Variants in BICDL1 observed in about 807,000 individuals in gnomAD.
BICDL1 encodes BICD family like cargo adaptor 1, also known as BICD family-like cargo adapter 1.
In BICDL1, 20 loss-of-function variants were observed where a neutral mutation model predicts 76.8. The ratio of observed to expected loss-of-function variants is 0.26; its 90% CI spans 0.18 to 0.38. The LOEUF (loss-of-function observed/expected upper bound fraction) is 0.38, where lower values mean the gene tolerates loss of function less well. Among genes scored for constraint, BICDL1 ranks in the 10% least tolerant of loss-of-function variants. The pLI, the probability that BICDL1 is intolerant of heterozygous loss-of-function variation, is 1.00. For synonymous variants in BICDL1, 383 were observed against 337.1 expected (o/e 1.14, Z -1.49); for missense variants, 700 against 798.6 (o/e 0.88, Z 1.49).
In BICDL1 at chr12:120,080,809, C is replaced by T. The variant is rs887547547; in HGVS notation, c.1453-78C>T. The T allele has an allele frequency of 2.8e-5, 43 of 1,548,596 alleles. No homozygotes were observed. In the Middle Eastern group the frequency reaches 1.3e-3, roughly 47 times the overall value. Reference sequence around the variant, plus strand: ...CATGTACCCTGGTCCTGCCTGGGGTCTCTTTGTTCCTTTTTCCCTCTTGGA... The same window carrying T: ...CATGTACCCTGGTCCTGCCTGGGGTTTCTTTGTTCCTTTTTCCCTCTTGGA... On this transcript the variant is annotated intron_variant, in intron 7 of 9. Transcript: ENST00000548673.
chr12:120,022,001 A>G (rs771492924), intron 2 of BICDL1, among the ~76,000 whole-genome samples: 1 of 150,872 alleles, frequency 6.6e-6, no homozygotes, highest in Non-Finnish European at 1.5e-5. Context: ...GTAAAGTAAA[A>G]TAAAATAATG....
chr12:120,041,766 A>AT (rs753996950), intron 2 of BICDL1, among the ~76,000 whole-genome samples: 1 of 152,118 alleles, frequency 6.6e-6, no homozygotes. Context: ...ATATGCACAG[A>AT]TTTTGAAATA....
intron 2 of BICDL1, among the ~76,000 whole-genome samples, chr12:120,021,433 A>C (rs1240080484): frequency 6.7e-6 from 1 of 149,590 alleles, no homozygotes; most frequent in Non-Finnish European, 1.5e-5. Context: ...CTAAAAATAC[A>C]AAAATTAGCC....
chr12:120,037,854 T>C (rs1952556299), intron 2 of BICDL1, among the ~76,000 whole-genome samples: 1 of 152,224 alleles, frequency 6.6e-6, no homozygotes, highest in South Asian at 2.1e-4. Flanking sequence ...TTCTCAGAAG[T>C]AGGCAACTGA....
intron 2 of BICDL1, among the ~76,000 whole-genome samples, chr12:120,056,716 CAAAAAA>C (rs546048489): frequency 8.0e-6 from 1 of 124,754 alleles, no homozygotes; most frequent in South Asian, 2.5e-4. Flanking sequence ...GACTCCGTCT[CAAAAAA>C]AAAAAAAAGT....
chr12:120,060,716 A>G (rs1438698002), intron 2 of BICDL1, among the ~76,000 whole-genome samples: 1 of 152,230 alleles, frequency 6.6e-6, no homozygotes, highest in Admixed American at 6.5e-5. Context: ...ATGTGGAACC[A>G]AAAATAAAAA....
chr12:120,051,965 G>C (rs1197813338), intron 2 of BICDL1, among the ~76,000 whole-genome samples: 1 of 152,016 alleles, frequency 6.6e-6, no homozygotes, highest in Non-Finnish European at 1.5e-5. Context: ...TTTTGAGACA[G>C]AGTCTCGCTG....
In BICDL1 at chr12:120,093,394, G is replaced by C; in HGVS notation, c.*233G>C. 1.8e-6 allele frequency: 1 copy of C among 552,020 alleles called. No homozygotes were observed. The highest frequency in any genetic ancestry group is 3.2e-6 in the Non-Finnish European group (1 of 310,898). 34.2% of individuals were successfully genotyped at this position (552,020 alleles called of 1,614,324 possible). ...TGGCCCACCGCCTGGCCAAGCCCACGCCTGGGCTTCTCCAGGACCACGTGC... is the reference window on the plus strand; with the variant it reads ...TGGCCCACCGCCTGGCCAAGCCCACCCCTGGGCTTCTCCAGGACCACGTGC... On this transcript the variant is annotated 3_prime_UTR_variant, in exon 10 of 10. Coordinates refer to ENST00000548673, the MANE Select transcript of BICDL1 (RefSeq NM_001367886.1).
intron 2 of BICDL1, chr12:120,019,023 C>T (rs955213278): frequency 7.3e-6 from 1 of 136,900 alleles, no homozygotes; most frequent in East Asian, 2.1e-4. Context: ...CCAGCCTGGG[C>T]GACAGAGCGA....
At chr12:120,039,569 C>T (rs555406962) in intron 2 of BICDL1, among the ~76,000 whole-genome samples, 2 of 127,904 alleles carry the variant, frequency 1.6e-5, no homozygotes, top group Admixed American at 9.3e-5. Flanking sequence ...ACCCGGGAGG[C>T]GGAAGTTGCA....
At chr12:119,992,849 C>T (rs1288058706) in intron 1 of BICDL1, 1 of 152,170 alleles carries the variant, frequency 6.6e-6, no homozygotes, top group Non-Finnish European at 1.5e-5. Context: ...GAAAGAGAAA[C>T]ATGTGAGTGG....
At position 120,062,769 on chromosome 12, in the gene BICDL1, TAG is replaced by T. The variant is rs201040393; in HGVS notation, c.762+946_762+947del. 5.3e-5 allele frequency among the ~76,000 whole-genome samples: 8 copies of T among 152,264 alleles called. No individual in the cohort carries two copies. The East Asian group carries it at 1.2e-3, about 22-fold the overall frequency. ...TTGAGCAGCAGGTCCTTGAAGTAAG[TAG>T]AGTTTGTTCCAGTGGGGTTTGGCAT... On this transcript the variant is annotated intron_variant, in intron 3 of 9. Transcript: ENST00000548673.
rs1873789196 is a variant in BICDL1 at position 120,079,220 on chromosome 12, T to C, written c.1453-1667T>C. ...TTATGGTGGCAACAGATTGTCCTTC[T>C]GTCCCTCTTCACTGTTGGGTGTCCT... On this transcript the variant is annotated intron_variant, in intron 7 of 9. Transcript: ENST00000548673. The surrounding 1 kb of genome is among the most constrained non-coding windows in gnomAD (Gnocchi z 4.3). 6.6e-6 allele frequency among the ~76,000 whole-genome samples: 1 copy of C among 152,240 alleles called. No homozygotes were observed. Among genetic ancestry groups the C allele is most frequent in the Non-Finnish European group, 1.5e-5 (1 of 68,030 alleles).
At chr12:120,005,669 G>A (rs57155388) in intron 2 of BICDL1, among the ~76,000 whole-genome samples, 8,662 of 152,144 alleles carry the variant, frequency 0.057, 486 homozygotes, top group African/African-American at 0.14. Flanking sequence ...ACGCCCAGCC[G>A]TTTTTGCTTT....
At chr12:120,080,827 C>G (rs1038831733) in intron 7 of BICDL1, 60 bp from the exon 8 acceptor site, 2 of 1,588,508 alleles carry the variant, frequency 1.3e-6, no homozygotes, top group East Asian at 2.3e-5. Context: ...TCCTTTTTCC[C>G]TCTTGGAGGG....
intron 2 of BICDL1, among the ~76,000 whole-genome samples, chr12:120,052,136 T>C (rs931697723): frequency 6.6e-6 from 1 of 151,788 alleles, no homozygotes; most frequent in Admixed American, 6.6e-5. Context: ...TAGAGACGGG[T>C]TTTCACTATG....
In BICDL1 at chr12:120,006,539, A is replaced by G. The variant is rs116542213; in HGVS notation, c.645+7803A>G. Among the ~76,000 whole-genome samples, 757 of 152,340 alleles carry G rather than the reference A, an allele frequency of 5.0e-3. 7 individuals are homozygous for G. The highest frequency in any genetic ancestry group is 0.017 in the African/African-American group (720 of 41,572). Reference sequence around the variant, plus strand: ...ATAGTACTATGAATACAATAAAACCAGGTAAGGAGGAGAAAGTGGTAGCTG... The same window carrying G: ...ATAGTACTATGAATACAATAAAACCGGGTAAGGAGGAGAAAGTGGTAGCTG... On this transcript the variant is annotated intron_variant, in intron 2 of 9. Transcript: ENST00000548673.
rs201972225 is a variant in BICDL1 at position 120,083,584 on chromosome 12, CA to C, written c.1583+2572del. On this transcript the variant is annotated intron_variant, in intron 8 of 9. Transcript: ENST00000548673. ...TCAAGGAGTGTGAGGAGATAGTTAC[CA>C]AAAATGTGTCTACTTTGGGGTCATT... Among the ~76,000 whole-genome samples, 553 of 151,520 alleles carry C rather than the reference CA, an allele frequency of 3.6e-3. 2 individuals are homozygous for C. Among genetic ancestry groups the C allele is most frequent in the African/African-American group, 0.013 (523 of 41,282 alleles).
At chr12:120,037,711 G>A (rs759222894) in intron 2 of BICDL1, among the ~76,000 whole-genome samples, 2 of 152,212 alleles carry the variant, frequency 1.3e-5, no homozygotes, top group Non-Finnish European at 2.9e-5. Context: ...CTGAGATGGT[G>A]ATGTTCACTT....
Sources: gnomAD v4.1 joint callset for allele counts (sites outside exome capture counted in the v4.1 genomes callset) on GRCh38, gnomAD v4.1.1 for gene constraint, Gnocchi (gnomAD v3.1) non-coding constraint, MANE v1.5 for transcripts, NCBI Gene and HGNC (gene_info 2026-07-23, HGNC 2026-07-21) for gene names.